Variants in EPB41L4A observed in about 807,000 individuals in gnomAD.
The protein encoded by EPB41L4A is band 4.1-like protein 4A.
In EPB41L4A, 100 loss-of-function variants were observed where a neutral mutation model predicts 108.6. The ratio of observed to expected loss-of-function variants is 0.92; its 90% CI spans 0.78 to 1.09. The LOEUF is 1.09. Among genes scored for constraint, EPB41L4A ranks in the 50% least tolerant of loss-of-function variants. The pLI is 0.00. For missense variants in EPB41L4A, 1,030 were observed against 842.7 expected (o/e 1.22, Z -2.75); for synonymous variants, 319 against 289.0 (o/e 1.10, Z -1.05).
chr5:112,407,867 G>A (rs1326182526), intron 1 of EPB41L4A, among the ~76,000 whole-genome samples: 2 of 152,172 alleles, frequency 1.3e-5, no homozygotes, highest in Non-Finnish European at 2.9e-5. Context: ...GCACCACCAC[G>A]TGCCTGGCAT....
chr5:112,395,192 T>C (rs1244298034), intron 1 of EPB41L4A, among the ~76,000 whole-genome samples: 4 of 152,014 alleles, frequency 2.6e-5, no homozygotes, highest in Non-Finnish European at 4.4e-5. Context: ...TGGGCAAGGA[T>C]TTCATGTCTA....
chr5:112,324,411 G>A (rs538670417), intron 1 of EPB41L4A, among the ~76,000 whole-genome samples: 5 of 152,218 alleles, frequency 3.3e-5, no homozygotes, highest in African/African-American at 9.6e-5. Flanking sequence ...AGGAGTTTGA[G>A]ATCAGCCTGG....
intron 12 of EPB41L4A, among the ~76,000 whole-genome samples, chr5:112,220,355 T>C (rs959409466): frequency 1.3e-5 from 2 of 152,276 alleles, no homozygotes; most frequent in Middle Eastern, 6.8e-3. Context: ...GAAAAGGATA[T>C]GTCACTTGAT....
chr5:112,162,751 CTA>C lies in EPB41L4A; in HGVS notation c.*2237_*2238del, dbSNP rs571719305. On this transcript the variant is annotated 3_prime_UTR_variant, in exon 23 of 23. Transcript: ENST00000261486. ...ATGTCATCACAAATGTAAAACTTCA[CTA>C]TGAGATGAGTTCCGTGATAGGATTT... 21 of 152,152 alleles carry C rather than the reference CTA, an allele frequency of 1.4e-4. No individual in the cohort carries two copies. Among genetic ancestry groups the C allele is most frequent in the Admixed American group, 5.2e-4 (8 of 15,284 alleles). 9.4% of individuals were successfully genotyped at this position (152,152 alleles called of 1,614,324 possible). A position where few individuals can be genotyped will look rare whatever the true frequency, so the allele number is the denominator to read the frequency against.
chr5:112,163,437 G>A lies in EPB41L4A; in HGVS notation c.*1553C>T, dbSNP rs1252527021. 1.3e-5 allele frequency: 2 copies of A among 152,240 alleles called. No individual in the cohort carries two copies. The highest frequency in any genetic ancestry group is 4.8e-5 in the African/African-American group (2 of 41,456). The allele number at this position is 152,240 out of a possible 1,614,324, so 9.4% of individuals were successfully genotyped here. Reference sequence around the variant, plus strand: ...TGGGTATAAATGAGATCTGCTGGTGGTAGAGGAAGAGGGCCTAGGGTCTGA... The same window carrying A: ...TGGGTATAAATGAGATCTGCTGGTGATAGAGGAAGAGGGCCTAGGGTCTGA... On this transcript the variant is annotated 3_prime_UTR_variant, in exon 23 of 23. Coordinates refer to ENST00000261486, the MANE Select transcript of EPB41L4A (RefSeq NM_022140.5).
chr5:112,248,250 G>C (rs1162119229), intron 9 of EPB41L4A, among the ~76,000 whole-genome samples: 1 of 152,112 alleles, frequency 6.6e-6, no homozygotes, highest in Non-Finnish European at 1.5e-5. Flanking sequence ...CCACTGCCAT[G>C]GCATTTCAAA....
intron 18 of EPB41L4A, among the ~76,000 whole-genome samples, chr5:112,180,243 A>G (rs1442116963): frequency 6.6e-6 from 1 of 152,194 alleles, no homozygotes; most frequent in East Asian, 1.9e-4. Flanking sequence ...ACAGAAATGC[A>G]AAGGTCCTAA....
At chr5:112,360,693 A>G (rs922555943) in intron 1 of EPB41L4A, among the ~76,000 whole-genome samples, 2 of 151,902 alleles carry the variant, frequency 1.3e-5, no homozygotes, top group African/African-American at 4.8e-5. Context: ...CCCGGCTGCC[A>G]CCCCGTCTAA....
chr5:112,274,231 G>A (rs973570239), intron 4 of EPB41L4A, among the ~76,000 whole-genome samples: 5 of 152,132 alleles, frequency 3.3e-5, no homozygotes, highest in Non-Finnish European at 5.9e-5. Context: ...AGTGAGCTAT[G>A]ATTACACCAC....
rs1749206620 is a variant in EPB41L4A at position 112,234,737 on chromosome 5, T to C, written c.984A>G (p.Gln328=). Residue 328 remains glutamine (Q), a synonymous_variant, in exon 12 of 23, where the codon CAA becomes CAG. Coordinates refer to ENST00000261486, the MANE Select transcript of EPB41L4A (RefSeq NM_022140.5). ...KHRYSGRTAL[Q]MSRDLSIQLP... ...GCTGAATAGAAAGATCTCGGCTCATTTGCAAAGCTGTCCTGCCACTTGAGA... is the reference window on the plus strand; with the variant it reads ...GCTGAATAGAAAGATCTCGGCTCATCTGCAAAGCTGTCCTGCCACTTGAGA... 1.2e-6 allele frequency: 2 copies of C among 1,611,414 alleles called. No homozygotes were observed. The highest frequency in any genetic ancestry group is 1.7e-6 in the Non-Finnish European group (2 of 1,178,214).
intron 3 of EPB41L4A, among the ~76,000 whole-genome samples, chr5:112,279,644 T>G (rs954894178): frequency 3.9e-5 from 6 of 152,154 alleles, no homozygotes; most frequent in African/African-American, 1.4e-4. Context: ...AAGAGTATTT[T>G]TTGCGCACTT....
At chr5:112,196,720 T>C (rs576048055) in intron 15 of EPB41L4A, 14 of 152,398 alleles carry the variant, frequency 9.2e-5, no homozygotes, top group African/African-American at 3.4e-4. Context: ...CCTAAACAGC[T>C]GGCTGAGCAG....
chr5:112,378,323 G>A (rs187215634), intron 1 of EPB41L4A, among the ~76,000 whole-genome samples: 2 of 152,264 alleles, frequency 1.3e-5, no homozygotes, highest in Admixed American at 6.5e-5. Context: ...TCCTAAGAAT[G>A]CAAGTTACCT....
At chr5:112,317,580 AGTTT>A (rs1265044949) in intron 1 of EPB41L4A, among the ~76,000 whole-genome samples, 11 of 152,152 alleles carry the variant, frequency 7.2e-5, no homozygotes, top group Non-Finnish European at 1.5e-4. Context: ...TAATGTTATT[AGTTT>A]GTTATTTTTC....
intron 12 of EPB41L4A, among the ~76,000 whole-genome samples, chr5:112,153,716 T>C (rs1480595402): frequency 6.6e-6 from 1 of 151,380 alleles, no homozygotes; most frequent in Non-Finnish European, 1.5e-5. Flanking sequence ...TATAGAAGAT[T>C]GGAATAATAT....
intron 1 of EPB41L4A, among the ~76,000 whole-genome samples, chr5:112,373,565 A>G: frequency 6.6e-6 from 1 of 152,260 alleles, no homozygotes; most frequent in East Asian, 1.9e-4. Context: ...TAGAGCTTTC[A>G]ATGTATTAAC....
At chr5:112,282,585 G>C (rs1274102085) in intron 2 of EPB41L4A, among the ~76,000 whole-genome samples, 1 of 152,158 alleles carries the variant, frequency 6.6e-6, no homozygotes, top group Non-Finnish European at 1.5e-5. Flanking sequence ...GAGCTGGTTG[G>C]TTAGGGGACC....
At chr5:112,323,682 G>T (rs951266502) in intron 1 of EPB41L4A, among the ~76,000 whole-genome samples, 2 of 152,076 alleles carry the variant, frequency 1.3e-5, no homozygotes, top group African/African-American at 4.8e-5. Context: ...CCCCATCTTT[G>T]CCCTCCTTCC....
intron 1 of EPB41L4A, among the ~76,000 whole-genome samples, chr5:112,367,633 C>G (rs1051459768): frequency 6.6e-6 from 1 of 152,222 alleles, no homozygotes; most frequent in Non-Finnish European, 1.5e-5. Flanking sequence ...CCAACACCAT[C>G]CTGGGCAACA....
Sources: gnomAD v4.1 joint callset for allele counts (sites outside exome capture counted in the v4.1 genomes callset) on GRCh38, gnomAD v4.1.1 for gene constraint, MANE v1.5 for transcripts, NCBI Gene and HGNC (gene_info 2026-07-23, HGNC 2026-07-21) for gene names.